ERBB4: variants seen among roughly 807,000 people sequenced by gnomAD.
The protein encoded by ERBB4 is erb-b2 receptor tyrosine kinase 4, also known as receptor tyrosine-protein kinase erbB-4.
In ERBB4, 42 loss-of-function variants were observed where a neutral mutation model predicts 158.0. That is an observed-to-expected ratio of 0.27 (90% CI 0.21 to 0.34). The LOEUF (loss-of-function observed/expected upper bound fraction) is 0.34, where lower values mean the gene tolerates loss of function less well. ERBB4 is among the 10% of genes least tolerant of loss of function. The pLI is 1.00. For missense variants in ERBB4, 1,333 were observed against 1,624.1 expected (o/e 0.82, Z 3.08); for synonymous variants, 583 against 558.7 (o/e 1.04, Z -0.61).
chr2:211,982,378 T>C (rs767911612), intron 2 of ERBB4, among the ~76,000 whole-genome samples: 4 of 151,902 alleles, frequency 2.6e-5, no homozygotes, highest in Admixed American at 6.6e-5. Context: ...CAGAGACCTG[T>C]AGAAAACAAA....
intron 2 of ERBB4, among the ~76,000 whole-genome samples, chr2:211,989,231 TC>T (rs1262613869): frequency 2.0e-5 from 3 of 151,916 alleles, no homozygotes; most frequent in African/African-American, 7.2e-5. Flanking sequence ...TACTGTGTCT[TC>T]TTGCAAAAAA....
At chr2:212,213,698 C>T (rs1019115646) in intron 1 of ERBB4, among the ~76,000 whole-genome samples, 2 of 151,848 alleles carry the variant, frequency 1.3e-5, no homozygotes, top group African/African-American at 4.8e-5. Flanking sequence ...TTTTGCTGAT[C>T]TAATGGCAAA....
At chr2:211,805,885 A>G (rs1011519260) in intron 3 of ERBB4, among the ~76,000 whole-genome samples, 1 of 151,810 alleles carries the variant, frequency 6.6e-6, no homozygotes, top group Admixed American at 6.6e-5. Context: ...CTGATAAAAT[A>G]TTTAATAAAT....
chr2:211,808,292 T>A (rs1559536265), intron 3 of ERBB4, among the ~76,000 whole-genome samples: 1 of 152,222 alleles, frequency 6.6e-6, no homozygotes, highest in Non-Finnish European at 1.5e-5. Flanking sequence ...CCATCTTGAA[T>A]TAATTTTTGA....
At chr2:212,056,990 G>T (rs889276614) in intron 2 of ERBB4, among the ~76,000 whole-genome samples, 1 of 152,170 alleles carries the variant, frequency 6.6e-6, no homozygotes, top group Non-Finnish European at 1.5e-5. Context: ...TGGCAAATTG[G>T]ATAAAGAGTC....
chr2:212,511,373 TG>T (rs1483418580), intron 1 of ERBB4, among the ~76,000 whole-genome samples: 3 of 152,190 alleles, frequency 2.0e-5, no homozygotes, highest in Non-Finnish European at 4.4e-5. Context: ...CAGTGTTCAG[TG>T]GATAATCAAC....
chr2:212,436,989 C>T (rs930358123), intron 1 of ERBB4, among the ~76,000 whole-genome samples: 1 of 151,870 alleles, frequency 6.6e-6, no homozygotes, highest in Non-Finnish European at 1.5e-5. Flanking sequence ...GATTTTAGTA[C>T]AAGCAAGAGA....
At chr2:211,793,328 T>C (rs1431529226) in intron 3 of ERBB4, among the ~76,000 whole-genome samples, 1 of 152,046 alleles carries the variant, frequency 6.6e-6, no homozygotes, top group Non-Finnish European at 1.5e-5. Flanking sequence ...TCCCTGATTG[T>C]ATATCTAAGT....
chr2:211,871,084 G>A (rs559531667), intron 3 of ERBB4, among the ~76,000 whole-genome samples: 1 of 152,170 alleles, frequency 6.6e-6, no homozygotes, highest in South Asian at 2.1e-4. Flanking sequence ...AGTATCATCA[G>A]GCAAGAAGTA....
At chr2:212,142,621 AATAT>A (rs1410030425) in intron 1 of ERBB4, among the ~76,000 whole-genome samples, 1 of 147,848 alleles carries the variant, frequency 6.8e-6, no homozygotes, top group African/African-American at 2.5e-5. Flanking sequence ...ATATATATAT[AATAT>A]ATATAAATAT....
intron 5 of ERBB4, among the ~76,000 whole-genome samples, chr2:211,738,555 A>C (rs2106175039): frequency 6.6e-6 from 1 of 151,974 alleles, no homozygotes; most frequent in South Asian, 2.1e-4. Context: ...TATTTTTAGT[A>C]GAGACAGGGT....
chr2:212,188,175 T>C (rs576287478), intron 1 of ERBB4, among the ~76,000 whole-genome samples: 1 of 141,864 alleles, frequency 7.0e-6, no homozygotes, highest in African/African-American at 2.7e-5. Context: ...TCCCTTATAA[T>C]ACCTTCAGGT....
At chr2:212,121,635 G>A (rs1016208725) in intron 2 of ERBB4, among the ~76,000 whole-genome samples, 2 of 152,056 alleles carry the variant, frequency 1.3e-5, no homozygotes, top group African/African-American at 2.4e-5. Flanking sequence ...CTCCACCATC[G>A]ACGTTCTCTA....
At chr2:211,575,127 A>G (rs144996372) in intron 19 of ERBB4, among the ~76,000 whole-genome samples, 63 of 152,318 alleles carry the variant, frequency 4.1e-4, no homozygotes, top group African/African-American at 1.5e-3. Context: ...TCCATAGCCT[A>G]GTCTCTTTCT....
chr2:211,496,510 A>T (rs2065473485), intron 20 of ERBB4, among the ~76,000 whole-genome samples: 1 of 151,564 alleles, frequency 6.6e-6, no homozygotes. Flanking sequence ...TTTCTCTAAC[A>T]TCACATACCT....
chr2:212,238,466 C>G (rs920936632), intron 1 of ERBB4, among the ~76,000 whole-genome samples: 1 of 152,180 alleles, frequency 6.6e-6, no homozygotes. Context: ...ATGCAGAAAC[C>G]ACCTGCCTTC....
intron 20 of ERBB4, among the ~76,000 whole-genome samples, chr2:211,489,954 C>T (rs2065298014): frequency 6.6e-6 from 1 of 151,940 alleles, no homozygotes; most frequent in Non-Finnish European, 1.5e-5. Context: ...GCTACTATAG[C>T]TTGAATGTGT....
chr2:212,308,895 G>A (rs1165640264), intron 1 of ERBB4, among the ~76,000 whole-genome samples: 2 of 150,934 alleles, frequency 1.3e-5, no homozygotes, highest in Admixed American at 6.6e-5. Context: ...TTAACTAGGG[G>A]AAATATTTCC....
intron 3 of ERBB4, among the ~76,000 whole-genome samples, chr2:211,890,472 C>G (rs542919592): frequency 6.6e-6 from 1 of 151,944 alleles, no homozygotes; most frequent in African/African-American, 2.4e-5. Context: ...TACAGACCAT[C>G]GAGACTAGGA....
Sources: gnomAD v4.1 joint callset for allele counts (sites outside exome capture counted in the v4.1 genomes callset) on GRCh38, gnomAD v4.1.1 for gene constraint, MANE v1.5 for transcripts, NCBI Gene and HGNC (gene_info 2026-07-23, HGNC 2026-07-21) for gene names.